Variants in AKAP7 observed in about 807,000 individuals in gnomAD.
AKAP7 encodes the protein A-kinase anchoring protein 7, also known as A kinase (PRKA) anchor protein 7.
Under a neutral mutation model 39.5 loss-of-function variants are expected in AKAP7, and 39 were observed. That is an observed-to-expected ratio of 0.99 (90% CI 0.76 to 1.29). The LOEUF (loss-of-function observed/expected upper bound fraction) is 1.29, where lower values mean the gene tolerates loss of function less well. Among genes scored for constraint, AKAP7 ranks in the 50% most tolerant of loss-of-function variants. The probability of loss-of-function intolerance (pLI) is 0.00; values close to 1 mark genes in which losing one functional copy is unlikely to be tolerated. For missense variants in AKAP7, 414 were observed against 407.7 expected (o/e 1.02, Z -0.13); for synonymous variants, 140 against 139.1 (o/e 1.01, Z -0.05).
At chr6:131,130,867 T>C (rs75290823), upstream of AKAP7, among the ~76,000 whole-genome samples, 6 of 152,308 alleles carry the variant, frequency 3.9e-5, no homozygotes, top group East Asian at 1.2e-3. Context: ...AGTTGGTAGG[T>C]TCATTTAGCT....
At chr6:131,255,604 C>T (rs1346693470) in intron 7 of AKAP7, among the ~76,000 whole-genome samples, 1 of 152,184 alleles carries the variant, frequency 6.6e-6, no homozygotes, top group Non-Finnish European at 1.5e-5. Context: ...TGGCCCATTG[C>T]TTGGCATGCA....
intron 7 of AKAP7, among the ~76,000 whole-genome samples, chr6:131,228,742 G>A (rs972440233): frequency 2.6e-5 from 4 of 152,022 alleles, no homozygotes; most frequent in East Asian, 1.9e-4. Flanking sequence ...GGGGGTCAGC[G>A]AGGACAAAAC....
At chr6:131,125,875 C>T in the AKAP7 span, among the ~76,000 whole-genome samples, 1 of 152,216 alleles carries the variant, frequency 6.6e-6, no homozygotes, top group South Asian at 2.1e-4. Flanking sequence ...CCTTTTCTCG[C>T]TATGTGTTTT....
chr6:131,241,627 G>GTGTGTGTGTGTGTGTGTATA lies in AKAP7; in HGVS notation c.850+21820_850+21821insGTGTGTGTGTGTGTGTATAT. Among the ~76,000 whole-genome samples, 20 of 86,670 alleles carry GTGTGTGTGTGTGTGTGTATA rather than the reference G, an allele frequency of 2.3e-4. 2 individuals are homozygous for GTGTGTGTGTGTGTGTGTATA. The highest frequency in any genetic ancestry group is 1.1e-3 in the Admixed American group (9 of 8,404). 56.9% of individuals were successfully genotyped at this position (86,670 alleles called of 152,430 possible). ...TGTGTGTGTGTGTGTGTGTGTGTGT[G>GTGTGTGTGTGTGTGTGTATA]TATATATATATGACAGTTATAGGAT... On this transcript the variant is annotated intron_variant, in intron 7 of 7. Coordinates refer to ENST00000431975, the MANE Select transcript of AKAP7 (RefSeq NM_016377.4).
At chr6:131,261,877 A>G (rs1813376430) in intron 7 of AKAP7, among the ~76,000 whole-genome samples, 1 of 152,182 alleles carries the variant, frequency 6.6e-6, no homozygotes, top group Non-Finnish European at 1.5e-5. Flanking sequence ...AATTTAACGT[A>G]GGGAATTAGT....
the AKAP7 span, among the ~76,000 whole-genome samples, chr6:131,129,165 T>C: frequency 2.0e-5 from 3 of 151,890 alleles, no homozygotes; most frequent in Non-Finnish European, 4.4e-5. Flanking sequence ...CAGGTGACTG[T>C]AGTCCCAGCT....
At chr6:131,155,258 C>T (rs543775359) in intron 2 of AKAP7, among the ~76,000 whole-genome samples, 1 of 152,278 alleles carries the variant, frequency 6.6e-6, no homozygotes, top group African/African-American at 2.4e-5. Context: ...TAGTGGTCCT[C>T]CCACCTAGGT....
At chr6:131,192,347 C>G (rs1806497275) in intron 5 of AKAP7, among the ~76,000 whole-genome samples, 3 of 152,162 alleles carry the variant, frequency 2.0e-5, no homozygotes, top group Admixed American at 2.0e-4. Flanking sequence ...AAAAAGCTGT[C>G]TTTTCTGCAT....
At chr6:131,126,194 G>C in the AKAP7 span, among the ~76,000 whole-genome samples, 1 of 151,938 alleles carries the variant, frequency 6.6e-6, no homozygotes, top group African/African-American at 2.4e-5. Flanking sequence ...ATTTTTGGTT[G>C]CTCAGATTAT....
chr6:131,157,159 A>G (rs1402517069), intron 2 of AKAP7, among the ~76,000 whole-genome samples: 1 of 152,228 alleles, frequency 6.6e-6, no homozygotes, highest in East Asian at 1.9e-4. Flanking sequence ...TAATTATAAT[A>G]GCTAATAATA....
chr6:131,264,375 A>T (rs1057438876), intron 7 of AKAP7, among the ~76,000 whole-genome samples: 1 of 152,228 alleles, frequency 6.6e-6, no homozygotes, highest in Non-Finnish European at 1.5e-5. Flanking sequence ...TTTTGCAAGC[A>T]TAACTAGGAG....
chr6:131,187,978 A>G (rs1806031979), intron 5 of AKAP7, among the ~76,000 whole-genome samples: 1 of 152,232 alleles, frequency 6.6e-6, no homozygotes, highest in Non-Finnish European at 1.5e-5. Context: ...TGATGTGTCT[A>G]GGAGCACAAA....
At chr6:131,278,573 G>T (rs1459081743) in intron 7 of AKAP7, among the ~76,000 whole-genome samples, 1 of 152,194 alleles carries the variant, frequency 6.6e-6, no homozygotes, top group Non-Finnish European at 1.5e-5. Context: ...CAGGAAGCAT[G>T]GCTGGGGAAG....
At chr6:131,202,286 T>C (rs1037503797) in intron 6 of AKAP7, among the ~76,000 whole-genome samples, 2 of 144,658 alleles carry the variant, frequency 1.4e-5, no homozygotes, top group African/African-American at 2.6e-5. Flanking sequence ...CTATAAATCA[T>C]GCTGCTATAA....
chr6:131,262,865 A>G (rs958177767), intron 7 of AKAP7, among the ~76,000 whole-genome samples: 1 of 152,224 alleles, frequency 6.6e-6, no homozygotes, highest in Admixed American at 6.5e-5. Context: ...TCCACTGTCA[A>G]TCTATGATAT....
intron 3 of AKAP7, among the ~76,000 whole-genome samples, chr6:131,163,606 T>C (rs1053883218): frequency 1.9e-4 from 29 of 152,204 alleles, no homozygotes; most frequent in Admixed American, 1.6e-3. Flanking sequence ...TTTAAACACA[T>C]TCTTAGAAGT....
intron 2 of AKAP7, among the ~76,000 whole-genome samples, chr6:131,155,392 T>G (rs1192047953): frequency 6.6e-6 from 1 of 152,212 alleles, no homozygotes; most frequent in Non-Finnish European, 1.5e-5. Flanking sequence ...TTTGCAACTT[T>G]AAGATTGATC....
chr6:131,152,007 A>G (rs543366616), intron 2 of AKAP7, among the ~76,000 whole-genome samples: 5 of 152,384 alleles, frequency 3.3e-5, no homozygotes, highest in Admixed American at 2.6e-4. Flanking sequence ...TTGAGAAAAA[A>G]TTAGATAATT....
intron 5 of AKAP7, among the ~76,000 whole-genome samples, chr6:131,183,846 T>C (rs1224906867): frequency 6.6e-6 from 1 of 152,018 alleles, no homozygotes; most frequent in Non-Finnish European, 1.5e-5. Flanking sequence ...CACAGGGGCA[T>C]GGAAAGCTCC....
Sources: allele counts gnomAD v4.1 joint callset (sites outside exome capture counted in the v4.1 genomes callset), GRCh38; gene constraint gnomAD v4.1.1; transcripts MANE v1.5; gene names NCBI Gene and HGNC (gene_info 2026-07-23, HGNC 2026-07-21).